PABPC1: variants seen among roughly 807,000 people sequenced by gnomAD.
PABPC1 encodes polyadenylate-binding protein 1.
In PABPC1, 4 loss-of-function variants were observed where a neutral mutation model predicts 74.0. The observed-to-expected ratio is 0.05, with a 90% confidence interval of 0.03 to 0.12. The LOEUF (loss-of-function observed/expected upper bound fraction) is 0.12. PABPC1 is among the 10% of genes least tolerant of loss of function. PABPC1 has a pLI of 1.00. For missense variants in PABPC1, 271 were observed against 821.1 expected (o/e 0.33, Z 8.19); for synonymous variants, 227 against 264.1 (o/e 0.86, Z 1.36).
rs1810463581 is a variant in PABPC1, at chr8:100,709,187, T to C, written c.1282A>G (p.Ile428Val). Residue 428 changes from isoleucine (I) to valine (V), a missense_variant, in exon 9 of 15, where the codon ATT becomes GTT. Ile to Val is a conservative substitution (Grantham distance 29). This residue lies in a region of PABPC1 where 103 missense variants were observed against 245.3 expected (regional missense o/e 0.42). Transcript: ENST00000318607. The stretch of plus-strand genomic sequence containing the variant: ...CGAGGACTTGGTCTTAGTTGAGCAA[T>C]TTGGCTAGGAGGATAGTATGCAGCA... ...NRAAYYPPSQ[I>V]AQLRPSPRWT... is the part of the protein sequence containing the mutation. 1 of 1,613,980 alleles carries C rather than the reference T, an allele frequency of 6.2e-7. No homozygotes were observed. Among genetic ancestry groups the C allele is most frequent in the South Asian group, 1.1e-5 (1 of 91,088 alleles).
chr8:100,718,270 A>G lies in PABPC1; in HGVS notation c.204T>C (p.Ala68=), dbSNP rs766108764. The G allele has an allele frequency of 9.3e-6, 15 of 1,611,152 alleles. No homozygotes were observed. Among genetic ancestry groups the G allele is most frequent in the Non-Finnish European group, 1.3e-5 (15 of 1,177,916 alleles). Reference sequence around the variant, plus strand: ...TAACATCAAAATTCATGGTGTCCAAAGCACGCTCCGCTGCAGGAAGGACAT... The same window carrying G: ...TAACATCAAAATTCATGGTGTCCAAGGCACGCTCCGCTGCAGGAAGGACAT... ...NFQQPADAER[A]LDTMNFDVIK... The change falls in exon 2 of 15, where the codon GCT becomes GCC. Residue 68 remains alanine (A), a synonymous_variant. Transcript: ENST00000318607.
rs748301365 is a variant in PABPC1, at chr8:100,721,342, G to T, written c.193+49C>A. ...TACCCCGCCCGCCGCCGCCGCCCGA[G>T]CCTCATGGCCGCCCGCCCGCCCGGC... On this transcript the variant is annotated intron_variant, in intron 1 of 14. Transcript: ENST00000318607. The surrounding 1 kb of genome is among the most constrained non-coding windows in gnomAD (Gnocchi z 7.4). 5 of 1,145,706 alleles carry T rather than the reference G, an allele frequency of 4.4e-6. No homozygotes were observed. The highest frequency in any genetic ancestry group is 5.6e-6 in the Non-Finnish European group (5 of 896,986). The allele number at this position is 1,145,706 out of a possible 1,614,324, so 71.0% of individuals were successfully genotyped here. A position where few individuals can be genotyped will look rare whatever the true frequency, so the allele number is the denominator to read the frequency against.
chr8:100,708,771 G>C (rs1204444913), intron 9 of PABPC1, among the ~76,000 whole-genome samples: 1 of 152,160 alleles, frequency 6.6e-6, no homozygotes, highest in Admixed American at 6.5e-5. Context: ...AGCTACTCCA[G>C]AGGCTGAGGC....
At position 100,708,180 on chromosome 8, in the gene PABPC1, C is replaced by T. The variant is rs146598355; in HGVS notation, c.1336+953G>A. 4.6e-3 allele frequency among the ~76,000 whole-genome samples: 703 copies of T among 152,312 alleles called. 5 individuals are homozygous for T. Among genetic ancestry groups the T allele is most frequent in the African/African-American group, 0.016 (661 of 41,576 alleles). ...AACAGCTCGTGTCCTCGGTCTCTTG[C>T]CTTGGCACCTGGGTGGTTTGCCGCC... On this transcript the variant is annotated intron_variant, in intron 9 of 14. Coordinates refer to ENST00000318607, the MANE Select transcript of PABPC1 (RefSeq NM_002568.4).
chr8:100,714,560 G>A (rs184305112), intron 4 of PABPC1, among the ~76,000 whole-genome samples: 6 of 152,024 alleles, frequency 3.9e-5, no homozygotes, highest in South Asian at 2.1e-4. Context: ...GTGAAACCCC[G>A]TCTCTAATAA....
intron 3 of PABPC1, among the ~76,000 whole-genome samples, 186 bp downstream of exon 3, chr8:100,717,587 A>C (rs565880227): frequency 6.6e-6 from 1 of 152,284 alleles, no homozygotes; most frequent in Non-Finnish European, 1.5e-5. Flanking sequence ...AAAAATCAAG[A>C]TTAGCTTATT....
At chr8:100,703,876 C>T (rs2129660094) in intron 14 of PABPC1, among the ~76,000 whole-genome samples, 1 of 152,068 alleles carries the variant, frequency 6.6e-6, no homozygotes, top group Non-Finnish European at 1.5e-5. Flanking sequence ...ATGGCAAAAC[C>T]CCAAGTCTAG....
intron 14 of PABPC1, 168 bp downstream of exon 14, chr8:100,704,129 C>A: frequency 1.9e-6 from 1 of 520,664 alleles, no homozygotes; most frequent in East Asian, 3.3e-5. Flanking sequence ...GGGTAAAATT[C>A]CTTTAATTCC....
chr8:100,720,717 G>T (rs1285470383), intron 1 of PABPC1, among the ~76,000 whole-genome samples: 1 of 152,168 alleles, frequency 6.6e-6, no homozygotes, highest in African/African-American at 2.4e-5. Flanking sequence ...AGAAATGCTT[G>T]ATCTAGGGGA....
In PABPC1 at chr8:100,704,520, A is replaced by G. The variant is rs1028978956; in HGVS notation, c.1819-130T>C. The G allele has an allele frequency of 1.1e-5, 9 of 784,542 alleles. No individual in the cohort carries two copies. The South Asian group carries it at 1.3e-4, about 11-fold the overall frequency. 48.6% of individuals were successfully genotyped at this position (784,542 alleles called of 1,614,324 possible). The stretch of plus-strand genomic sequence containing the variant: ...AAATGAAAGTATAAATTGTTACACT[A>G]AACAACTATATCCATTCAATTTTGA... On this transcript the variant is annotated intron_variant, in intron 13 of 14. Coordinates refer to ENST00000318607, the MANE Select transcript of PABPC1 (RefSeq NM_002568.4).
intron 4 of PABPC1, among the ~76,000 whole-genome samples, chr8:100,714,710 C>CAGAGCA (rs1375305988): frequency 1.3e-5 from 2 of 151,120 alleles, no homozygotes; most frequent in African/African-American, 4.9e-5. Flanking sequence ...GCCCGGGTGA[C>CAGAGCA]AGAGCAAGAG....
At chr8:100,715,738 T>C (rs1810652530) in intron 3 of PABPC1, 137 bp from the exon 4 acceptor site, 2 of 542,838 alleles carry the variant, frequency 3.7e-6, no homozygotes, top group Non-Finnish European at 3.1e-6. Flanking sequence ...AAAATAGAAA[T>C]AGGGCCATAA....
intron 1 of PABPC1, among the ~76,000 whole-genome samples, chr8:100,719,093 A>C (rs920266691): frequency 6.6e-6 from 1 of 152,212 alleles, no homozygotes; most frequent in Admixed American, 6.5e-5. Context: ...AAAATCTACA[A>C]TTAATTTCAG....
intron 4 of PABPC1, among the ~76,000 whole-genome samples, chr8:100,713,424 C>A (rs1391045783): frequency 6.6e-6 from 1 of 152,166 alleles, no homozygotes; most frequent in Non-Finnish European, 1.5e-5. Flanking sequence ...ACACTTTAAA[C>A]GGCTGTAAAA....
chr8:100,706,638 A>G lies in PABPC1; in HGVS notation c.1602+13T>C. The stretch of plus-strand genomic sequence containing the variant: ...GAAATGTGATTTTTATTAAGAAATC[A>G]TTAAATCCATACCTGTTGCATTGTA... On this transcript the variant is annotated intron_variant, in intron 11 of 14. Transcript: ENST00000318607. The G allele has an allele frequency of 6.4e-7, 1 of 1,565,538 alleles. No homozygotes were observed. Among genetic ancestry groups the G allele is most frequent in the Non-Finnish European group, 8.7e-7 (1 of 1,150,698 alleles).
chr8:100,706,764 C>T lies in PABPC1; in HGVS notation c.1489G>A (p.Ala497Thr), dbSNP rs377706051. Residue 497 changes from alanine (A) to threonine (T), a missense_variant, in exon 11 of 15, where the codon GCA (alanine) becomes ACA (threonine). By Grantham distance (58) the Ala-to-Thr change is moderately conservative. Transcript: ENST00000318607. ...TQTMGPRPAAAAAAATPAVRT... is the reference protein window; with the variant it reads ...TQTMGPRPAATAAAATPAVRT... ...ACAGCAGGAGTAGCTGCAGCGGCTG[C>T]AGCTGCAGGACGTGGACCCATTGTC... 154 of 1,613,752 alleles carry T rather than the reference C, an allele frequency of 9.5e-5. No homozygotes were observed. The highest frequency in any genetic ancestry group is 1.2e-4 in the Non-Finnish European group (146 of 1,179,736).
intron 7 of PABPC1, 49 bp downstream of exon 7, chr8:100,712,313 G>T: frequency 9.4e-7 from 1 of 1,062,034 alleles, no homozygotes; most frequent in Non-Finnish European, 1.4e-6. Flanking sequence ...ATATCTACAT[G>T]TATGAATTTT....
rs748141355 is a variant in PABPC1, at chr8:100,715,590, C to T, written c.515G>A (p.Arg172Gln). The T allele has an allele frequency of 6.8e-6, 11 of 1,608,174 alleles. No homozygotes were observed. The highest frequency in any genetic ancestry group is 2.2e-5 in the South Asian group (2 of 90,572). The change falls in exon 4 of 15, where the codon CGA (arginine) becomes CAA (glutamine). Residue 172 changes from arginine (R) to glutamine (Q), a missense_variant. By Grantham distance (43) the Arg-to-Gln change is conservative. Around this residue, in one of 7 missense-constraint regions of PABPC1, gnomAD observed 78 missense variants for 202.8 expected, o/e 0.38. Transcript: ENST00000318607. ...TTCTCGTTCTTTACGAGACTTAAAT[C>T]GTCCAACAAATCTAATAAGATATAC... ...LLNDRKVFVGRFKSRKEREAE... is the reference protein window; with the variant it reads ...LLNDRKVFVGQFKSRKEREAE...
At chr8:100,712,507 T>C in intron 6 of PABPC1, 50 bp from the exon 7 acceptor site, 1 of 1,471,118 alleles carries the variant, frequency 6.8e-7, no homozygotes. Context: ...TGGTGGTACC[T>C]AAGTACATCG....
Sources: allele counts gnomAD v4.1 joint callset (sites outside exome capture counted in the v4.1 genomes callset), GRCh38; gene constraint gnomAD v4.1.1; regional missense constraint gnomAD v4.1.1; non-coding constraint Gnocchi (gnomAD v3.1); transcripts MANE v1.5; gene names NCBI Gene and HGNC (gene_info 2026-07-23, HGNC 2026-07-21).